The following UBE2F variants were observed in gnomAD, a reference collection of about 807,000 sequenced individuals.
The protein encoded by UBE2F is NEDD8-conjugating enzyme UBE2F.
A neutral mutation model predicts 29.6 loss-of-function variants in UBE2F; 5 were observed. That is an observed-to-expected ratio of 0.17 (90% CI 0.09 to 0.36). UBE2F has a LOEUF of 0.36. Ranked by LOEUF, UBE2F falls within the 10% of genes least tolerant of loss-of-function variation. The pLI, the probability that UBE2F is intolerant of heterozygous loss-of-function variation, is 1.00. For synonymous variants in UBE2F, 66 were observed against 81.8 expected (o/e 0.81, Z 1.04); for missense variants, 141 against 228.5 (o/e 0.62, Z 2.47).
intron 3 of UBE2F, among the ~76,000 whole-genome samples, chr2:237,991,495 G>A (rs1372942223): frequency 1.3e-5 from 2 of 150,636 alleles, no homozygotes; most frequent in Non-Finnish European, 2.9e-5. Flanking sequence ...GGCTCAGATA[G>A]TGCATGCCTA....
chr2:238,030,427 C>G (rs932329921), intron 6 of UBE2F, 129 bp from the exon 7 acceptor site: 17 of 643,606 alleles, frequency 2.6e-5, no homozygotes, highest in Non-Finnish European at 4.2e-5. Context: ...AACTGAGAAG[C>G]CACAGAGGAA....
At chr2:238,025,064 C>T (rs2064386316) in intron 5 of UBE2F, among the ~76,000 whole-genome samples, 1 of 152,174 alleles carries the variant, frequency 6.6e-6, no homozygotes, top group African/African-American at 2.4e-5. Flanking sequence ...CCAGCACTGT[C>T]AGCCGGCAGG....
chr2:238,012,095 G>C (rs184243141), intron 4 of UBE2F, among the ~76,000 whole-genome samples: 34 of 150,656 alleles, frequency 2.3e-4, no homozygotes, highest in Non-Finnish European at 3.1e-4. Flanking sequence ...TGTTGCTCAG[G>C]CTGGTCTCAA....
chr2:238,035,398 C>T (rs776911367), intron 8 of UBE2F: 42 of 168,162 alleles, frequency 2.5e-4, no homozygotes, highest in Non-Finnish European at 4.3e-4. Context: ...TTCTAGACAT[C>T]GTCCCTATTG....
intron 8 of UBE2F, chr2:238,032,545 G>T: frequency 3.1e-6 from 1 of 321,590 alleles, no homozygotes; most frequent in Non-Finnish European, 5.9e-6. Context: ...AGCCCAGGAG[G>T]CAGAGGTTGC....
rs751725509 is a variant in UBE2F, at chr2:238,040,369, AGACTGAGGCTTAGACAGGAG to A, written c.508-905_508-886del. Among the ~76,000 whole-genome samples the A allele has an allele frequency of 1.2e-4, 19 of 152,234 alleles. No individual in the cohort carries two copies. Among genetic ancestry groups the A allele is most frequent in the Admixed American group, 1.1e-3 (17 of 15,282 alleles). On this transcript the variant is annotated intron_variant, in intron 9 of 9. Coordinates refer to ENST00000272930, the MANE Select transcript of UBE2F (RefSeq NM_080678.3). This position sits in a 1 kb window ranked among gnomAD's most constrained non-coding sequence, Gnocchi z 4.4. ...ATGCAGTGGAATCAGCAAACAGGTT[AGACTGAGGCTTAGACAGGAG>A]GACTGAGGCTTAGCTAAGGAAATGG...
chr2:238,028,365 C>G (rs2064484154), intron 6 of UBE2F, among the ~76,000 whole-genome samples: 1 of 152,248 alleles, frequency 6.6e-6, no homozygotes, highest in Non-Finnish European at 1.5e-5. Context: ...TTAGCATTCC[C>G]TGCTTTTATG....
intron 3 of UBE2F, among the ~76,000 whole-genome samples, chr2:237,991,561 A>T (rs565746412): frequency 2.6e-4 from 34 of 132,458 alleles, no homozygotes; most frequent in South Asian, 4.8e-4. Flanking sequence ...AACCTGTTAA[A>T]TTTTTTTTTT....
intron 5 of UBE2F, 113 bp from the exon 6 acceptor site, chr2:238,025,229 C>G: frequency 1.1e-6 from 1 of 884,870 alleles, no homozygotes; most frequent in South Asian, 1.4e-5. Context: ...AAACTGCACA[C>G]TGAGTCAGCC....
Position 237,967,257 on chromosome 2 carries a change from C to A in UBE2F, c.-17+125C>A. ...CGCCTCGGGCCCGCCGGGTTCCTCA[C>A]GCCGGGGGCCTGGCGGGCGCGGGCA... On this transcript the variant is annotated intron_variant, in intron 1 of 9. Coordinates refer to ENST00000272930, the MANE Select transcript of UBE2F (RefSeq NM_080678.3). This position sits in a 1 kb window ranked among gnomAD's most constrained non-coding sequence, Gnocchi z 6.3. 1 of 606,720 alleles carries A rather than the reference C, an allele frequency of 1.6e-6. No homozygotes were observed. The highest frequency in any genetic ancestry group is 2.1e-6 in the Non-Finnish European group (1 of 486,292). 37.6% of individuals were successfully genotyped at this position (606,720 alleles called of 1,614,324 possible).
At chr2:238,012,354 A>C (rs2064054369) in intron 4 of UBE2F, among the ~76,000 whole-genome samples, 1 of 152,016 alleles carries the variant, frequency 6.6e-6, no homozygotes, top group African/African-American at 2.4e-5. Context: ...CACTTTACCA[A>C]TCCCTGTCAG....
chr2:238,012,445 G>C (rs1318755737), intron 4 of UBE2F, among the ~76,000 whole-genome samples: 1 of 152,130 alleles, frequency 6.6e-6, no homozygotes, highest in African/African-American at 2.4e-5. Flanking sequence ...GCAGGCTTTT[G>C]CTGGAAATGC....
Position 237,982,096 on chromosome 2 carries a change from A to G in UBE2F, c.119-5867A>G, listed in dbSNP as rs1228253767. 6.6e-6 allele frequency among the ~76,000 whole-genome samples: 1 copy of G among 152,224 alleles called. No homozygotes were observed. The highest frequency in any genetic ancestry group is 1.5e-5 in the Non-Finnish European group (1 of 68,034). The stretch of plus-strand genomic sequence containing the variant: ...TGAATCATTTACTTAAAATGGGTCT[A>G]TTTGATTGTATGTAAATTGGTCCCT... On this transcript the variant is annotated intron_variant, in intron 2 of 9. Coordinates refer to ENST00000272930, the MANE Select transcript of UBE2F (RefSeq NM_080678.3). This position sits in a 1 kb window ranked among gnomAD's most constrained non-coding sequence, Gnocchi z 4.1.
intron 1 of UBE2F, among the ~76,000 whole-genome samples, chr2:237,969,884 G>T (rs2063138586): frequency 6.6e-6 from 1 of 152,240 alleles, no homozygotes; most frequent in Admixed American, 6.5e-5. Flanking sequence ...TCTGGGCGAA[G>T]CTGTGAAGAT....
intron 5 of UBE2F, among the ~76,000 whole-genome samples, chr2:238,019,607 C>A (rs1029200547): frequency 2.7e-5 from 4 of 150,032 alleles, no homozygotes; most frequent in African/African-American, 9.8e-5. Context: ...CTCAGGTGAT[C>A]TGCCCGCCAC....
chr2:237,994,902 C>A, intron 4 of UBE2F, 93 bp downstream of exon 4: 1 of 953,764 alleles, frequency 1.0e-6, no homozygotes, highest in Non-Finnish European at 1.7e-6. Flanking sequence ...TGTCCTCTAG[C>A]TTTTAAAAGA....
chr2:238,002,550 T>C (rs1306730019), intron 4 of UBE2F, among the ~76,000 whole-genome samples: 1 of 151,530 alleles, frequency 6.6e-6, no homozygotes, highest in Non-Finnish European at 1.5e-5. Context: ...ATATTCCAAT[T>C]TTTGAGCAAA....
intron 9 of UBE2F, 109 bp from the exon 10 acceptor site, chr2:238,041,179 C>G (rs1446726331): frequency 9.2e-7 from 1 of 1,090,406 alleles, no homozygotes; most frequent in African/African-American, 1.5e-5. Flanking sequence ...CCTTGGCGAC[C>G]ACAGGGGACC....
intron 4 of UBE2F, among the ~76,000 whole-genome samples, chr2:238,010,392 C>T (rs1231562851): frequency 2.6e-5 from 4 of 152,140 alleles, no homozygotes; most frequent in South Asian, 2.1e-4. Flanking sequence ...AGGCTGGTCT[C>T]GAACTCTTGA....
Sources: allele counts gnomAD v4.1 joint callset (sites outside exome capture counted in the v4.1 genomes callset), GRCh38; gene constraint gnomAD v4.1.1; non-coding constraint Gnocchi (gnomAD v3.1); transcripts MANE v1.5; gene names NCBI Gene and HGNC (gene_info 2026-07-23, HGNC 2026-07-21).